Variants in CHCHD6 observed in about 807,000 individuals in gnomAD.
CHCHD6 encodes coiled-coil-helix-coiled-coil-helix domain containing 6.
A neutral mutation model predicts 32.3 loss-of-function variants in CHCHD6; 28 were observed. The ratio of observed to expected loss-of-function variants is 0.87; its 90% CI spans 0.64 to 1.19. The LOEUF is 1.19. CHCHD6 is among the 50% of genes most tolerant of loss of function. The probability of loss-of-function intolerance (pLI) is 0.00; values close to 1 mark genes in which losing one functional copy is unlikely to be tolerated. For missense variants in CHCHD6, 333 were observed against 307.0 expected (o/e 1.08, Z -0.63); for synonymous variants, 122 against 117.5 (o/e 1.04, Z -0.25).
intron 6 of CHCHD6, among the ~76,000 whole-genome samples, chr3:126,948,217 G>T (rs972950753): frequency 6.6e-6 from 1 of 152,220 alleles, no homozygotes; most frequent in East Asian, 1.9e-4. Context: ...CACATGTCAG[G>T]CCTTTCAGCC....
At chr3:126,704,469 C>G in intron 1 of CHCHD6, 70 bp downstream of exon 1, 1 of 990,006 alleles carries the variant, frequency 1.0e-6, no homozygotes, top group South Asian at 2.2e-5. Context: ...CGGGGCGGAG[C>G]GCAGGGCCGG....
intron 6 of CHCHD6, among the ~76,000 whole-genome samples, chr3:126,923,481 T>C (rs528830234): frequency 1.7e-4 from 26 of 152,150 alleles, no homozygotes; most frequent in African/African-American, 4.3e-4. Context: ...CTGACACCCA[T>C]TGTGGGATTT....
At chr3:126,785,342 G>T (rs1406543697) in intron 4 of CHCHD6, among the ~76,000 whole-genome samples, 1 of 152,210 alleles carries the variant, frequency 6.6e-6, no homozygotes, top group Non-Finnish European at 1.5e-5. Context: ...AATCACCCTA[G>T]TTGGAAACTG....
chr3:126,912,919 G>C (rs545183046), intron 5 of CHCHD6, among the ~76,000 whole-genome samples: 2 of 151,794 alleles, frequency 1.3e-5, no homozygotes, highest in African/African-American at 2.4e-5. Context: ...CCCTGCAGAA[G>C]GCCGAGGGGG....
Position 126,958,943 on chromosome 3 carries a change from G to C in CHCHD6, c.703-1253G>C, listed in dbSNP as rs186147360. Among the ~76,000 whole-genome samples the C allele has an allele frequency of 8.3e-4, 127 of 152,308 alleles. 1 individual carries two copies. The highest frequency in any genetic ancestry group is 7.3e-3 in the Admixed American group (111 of 15,308). On this transcript the variant is annotated intron_variant, in intron 7 of 7. Coordinates refer to ENST00000290913, the MANE Select transcript of CHCHD6 (RefSeq NM_032343.3). ...CAATCAAGGGCAGCTCCGAGTCTCT[G>C]TTCATCACACACCTAACTCTTTACC...
chr3:126,933,768 T>G (rs114325512), intron 6 of CHCHD6, among the ~76,000 whole-genome samples: 1 of 152,186 alleles, frequency 6.6e-6, no homozygotes, highest in Non-Finnish European at 1.5e-5. Flanking sequence ...CCAAACCACA[T>G]CAATTCTTCA....
At chr3:126,748,305 C>G (rs928370001) in intron 4 of CHCHD6, among the ~76,000 whole-genome samples, 5 of 152,158 alleles carry the variant, frequency 3.3e-5, no homozygotes, top group Non-Finnish European at 5.9e-5. Context: ...TCAGAAATTA[C>G]CATGATTGGC....
In CHCHD6 at chr3:126,907,677, T is replaced by C. The variant is rs148761423; in HGVS notation, c.496-7003T>C. ...TTGGCCATGTTGATAGCATCTTGGA[T>C]AGGGCTTTCCTGTGTTCAATCTGTT... On this transcript the variant is annotated intron_variant, in intron 5 of 7. Coordinates refer to ENST00000290913, the MANE Select transcript of CHCHD6 (RefSeq NM_032343.3). Among the ~76,000 whole-genome samples the C allele has an allele frequency of 6.1e-3, 930 of 152,316 alleles. 8 individuals are homozygous for C. The highest frequency in any genetic ancestry group is 0.021 in the African/African-American group (889 of 41,572).
intron 5 of CHCHD6, among the ~76,000 whole-genome samples, chr3:126,887,226 C>CACAGTAAGT (rs1485170943): frequency 6.6e-6 from 1 of 151,936 alleles, no homozygotes; most frequent in African/African-American, 2.4e-5. Flanking sequence ...TGACGTCAGA[C>CACAGTAAGT]AAGCTACTTA....
chr3:126,939,670 A>G (rs527884960), intron 6 of CHCHD6, among the ~76,000 whole-genome samples: 8 of 152,374 alleles, frequency 5.3e-5, no homozygotes, highest in Admixed American at 2.6e-4. Flanking sequence ...GACATGGAAC[A>G]AGATGGGACG....
chr3:126,803,526 A>G (rs904824964), intron 4 of CHCHD6, among the ~76,000 whole-genome samples: 2 of 152,274 alleles, frequency 1.3e-5, no homozygotes, highest in African/African-American at 2.4e-5. Context: ...TATCCTAAAT[A>G]TATCTGCACC....
chr3:126,796,391 C>G lies in CHCHD6; in HGVS notation c.412-56256C>G, dbSNP rs116493265. 6.1e-3 allele frequency among the ~76,000 whole-genome samples: 930 copies of G among 152,220 alleles called. 8 individuals are homozygous for G. The highest frequency in any genetic ancestry group is 0.021 in the African/African-American group (889 of 41,546). On this transcript the variant is annotated intron_variant, in intron 4 of 7. Coordinates refer to ENST00000290913, the MANE Select transcript of CHCHD6 (RefSeq NM_032343.3). ...ATTCAAATCAGTGAAATCAGTCAAT[C>G]AAATGAAGGTTCTTTTCCCCCCGGG...
intron 4 of CHCHD6, among the ~76,000 whole-genome samples, chr3:126,768,987 C>T (rs556101828): frequency 2.8e-4 from 43 of 152,136 alleles, no homozygotes; most frequent in South Asian, 6.2e-4. Context: ...TTTTGTAGGT[C>T]GCACGTTTAC....
At chr3:126,842,519 A>G (rs1941132988) in intron 4 of CHCHD6, among the ~76,000 whole-genome samples, 1 of 152,236 alleles carries the variant, frequency 6.6e-6, no homozygotes, top group African/African-American at 2.4e-5. Context: ...CCTGGGAGTC[A>G]GGAATCTGTC....
rs1040313335 is a variant in CHCHD6, at chr3:126,885,029, C to T, written c.496-29651C>T. Among the ~76,000 whole-genome samples, 4 of 152,296 alleles carry T rather than the reference C, an allele frequency of 2.6e-5. No individual in the cohort carries two copies. The South Asian group carries it at 8.3e-4, about 32-fold the overall frequency. ...GAGTGCCTTAGTGAACGCCCCATCT[C>T]GCTGACCTGAAGGCCAGTCGTGGCA... On this transcript the variant is annotated intron_variant, in intron 5 of 7. Coordinates refer to ENST00000290913, the MANE Select transcript of CHCHD6 (RefSeq NM_032343.3).
intron 6 of CHCHD6, among the ~76,000 whole-genome samples, chr3:126,942,682 G>A (rs1014993788): frequency 6.6e-6 from 1 of 152,188 alleles, no homozygotes; most frequent in Non-Finnish European, 1.5e-5. Flanking sequence ...CAGCCCTGGA[G>A]TCAGCCGTTT....
chr3:126,906,064 A>G (rs533988985), intron 5 of CHCHD6, among the ~76,000 whole-genome samples: 1 of 152,292 alleles, frequency 6.6e-6, no homozygotes, highest in South Asian at 2.1e-4. Context: ...CACAGACACC[A>G]TCAGATCTGA....
chr3:126,806,672 A>G (rs1939398412), intron 4 of CHCHD6, among the ~76,000 whole-genome samples: 1 of 152,150 alleles, frequency 6.6e-6, no homozygotes, highest in Non-Finnish European at 1.5e-5. Context: ...TAGAAATACT[A>G]TTTGACCCAG....
chr3:126,953,117 G>A, intron 6 of CHCHD6: 2 of 985,478 alleles, frequency 2.0e-6, no homozygotes, highest in South Asian at 9.4e-5. Context: ...CTGTGGGGTG[G>A]GGTCCTCCCC....
Sources: gnomAD v4.1 joint callset for allele counts (sites outside exome capture counted in the v4.1 genomes callset) on GRCh38, gnomAD v4.1.1 for gene constraint, MANE v1.5 for transcripts, NCBI Gene and HGNC (gene_info 2026-07-23, HGNC 2026-07-21) for gene names.